Variants in SUGT1 observed in about 807,000 individuals in gnomAD.
SUGT1 encodes protein SGT1 homolog.
SUGT1 carries 15 observed loss-of-function variants against 56.1 expected under a neutral mutation model. The ratio of observed to expected loss-of-function variants is 0.27; its 90% CI spans 0.18 to 0.41. SUGT1 has a LOEUF of 0.41. SUGT1 is among the 10% of genes least tolerant of loss of function. SUGT1 has a pLI of 1.00. For synonymous variants in SUGT1, 123 were observed against 128.6 expected, an observed-to-expected ratio of 0.96 and a Z score of 0.30; for missense variants, 347 against 382.2, an observed-to-expected ratio of 0.91 and a Z score of 0.77.
intron 2 of SUGT1, among the ~76,000 whole-genome samples, chr13:52,654,328 ATT>A (rs1962059190): frequency 6.6e-6 from 1 of 152,146 alleles, no homozygotes; most frequent in Admixed American, 6.5e-5. Context: ...TTTAATTTAC[ATT>A]TGTTATTGTC....
rs1297312298 is a variant in SUGT1 at position 52,652,907 on chromosome 13, A to G, written c.-14A>G. Reference sequence around the variant, plus strand: ...TAGTAGCAGCTCCGGCGGCAGCAACAGCGACTACGAGGGATGGCGGCGGCT... The same window carrying G: ...TAGTAGCAGCTCCGGCGGCAGCAACGGCGACTACGAGGGATGGCGGCGGCT... On this transcript the variant is annotated 5_prime_UTR_variant, in exon 1 of 13. Coordinates refer to ENST00000310528, the MANE Select transcript of SUGT1 (RefSeq NM_006704.5). 6.2e-6 allele frequency: 10 copies of G among 1,613,218 alleles called. No individual in the cohort carries two copies. Among genetic ancestry groups the G allele is most frequent in the Admixed American group, 1.7e-5 (1 of 59,792 alleles).
chr13:52,671,602 C>T (rs544001156), intron 10 of SUGT1, among the ~76,000 whole-genome samples: 51 of 152,242 alleles, frequency 3.3e-4, no homozygotes, highest in African/African-American at 1.2e-3. Flanking sequence ...CAGAGATGTT[C>T]AATAATTTGC....
chr13:52,680,051 G>C lies in SUGT1; in HGVS notation c.796G>C (p.Glu266Gln). The change falls in exon 12 of 13, where the codon GAA becomes CAA. Residue 266 changes from glutamate to glutamine, a missense_variant. Physicochemically the swap from Glu to Gln is conservative, Grantham distance 29 (BLOSUM62 2). Transcript: ENST00000310528. ...ATTGGTTGGTGAGATCAAAGAAGAA[G>C]AAAAGAATGAAAAGTTGGAGGGAGA... ...DKLVGEIKEE[E>Q]KNEKLEGDAA... is the part of the protein sequence containing the mutation. The C allele has an allele frequency of 1.9e-6, 3 of 1,599,266 alleles. No homozygotes were observed. Among genetic ancestry groups the C allele is most frequent in the Non-Finnish European group, 2.6e-6 (3 of 1,176,182 alleles).
intron 10 of SUGT1, 61 bp from the exon 11 acceptor site, chr13:52,676,169 A>AT (rs1963134894): frequency 6.5e-6 from 9 of 1,393,450 alleles, no homozygotes; most frequent in Admixed American, 4.5e-5. Context: ...AGAAAACTGC[A>AT]TTTTTTACTG....
chr13:52,672,025 T>C (rs1318736452), intron 10 of SUGT1, among the ~76,000 whole-genome samples: 1 of 152,216 alleles, frequency 6.6e-6, no homozygotes, highest in Non-Finnish European at 1.5e-5. Flanking sequence ...ATGTGAAGCA[T>C]GTAGCATGCA....
intron 4 of SUGT1, 147 bp from the exon 5 acceptor site, chr13:52,659,032 T>G: frequency 1.9e-6 from 1 of 524,148 alleles, no homozygotes; most frequent in Non-Finnish European, 3.2e-6. Flanking sequence ...ATCTTAACAG[T>G]ATATTAGAAA....
chr13:52,674,329 A>G (rs1013888178), intron 10 of SUGT1, among the ~76,000 whole-genome samples: 3 of 151,162 alleles, frequency 2.0e-5, no homozygotes, highest in Non-Finnish European at 2.9e-5. Flanking sequence ...TGGGGTTACT[A>G]CTCTTTGCCC....
chr13:52,684,716 C>T (rs1053955551), intron 12 of SUGT1, among the ~76,000 whole-genome samples: 2 of 151,446 alleles, frequency 1.3e-5, no homozygotes, highest in Non-Finnish European at 2.9e-5. Context: ...TTTGTAGAGA[C>T]GAGGCCTCCC....
At chr13:52,653,233 T>C in intron 2 of SUGT1, 130 bp downstream of exon 2, 1 of 1,093,964 alleles carries the variant, frequency 9.1e-7, no homozygotes, top group East Asian at 2.4e-5. Context: ...GCGTCTCAGC[T>C]CCGGTATTGA....
rs773855576 is a variant in SUGT1, at chr13:52,699,240, C to T, written c.*11405C>T. On this transcript the variant is annotated 3_prime_UTR_variant, in exon 13 of 13. Coordinates refer to ENST00000310528, the MANE Select transcript of SUGT1 (RefSeq NM_006704.5). ...GATTAAGTTATTGAATCCATATCACCGTATGACAGCACATGATGAAAGAAA... is the reference window on the plus strand; with the variant it reads ...GATTAAGTTATTGAATCCATATCACTGTATGACAGCACATGATGAAAGAAA... 4 of 151,946 alleles carry T rather than the reference C, an allele frequency of 2.6e-5. No individual in the cohort carries two copies. The highest frequency in any genetic ancestry group is 6.6e-5 in the Admixed American group (1 of 15,260). The allele number at this position is 151,946 out of a possible 1,614,324, so 9.4% of individuals were successfully genotyped here. A position where few individuals can be genotyped will look rare whatever the true frequency, so the allele number is the denominator to read the frequency against.
At chr13:52,655,259 C>G (rs1962107716) in intron 2 of SUGT1, among the ~76,000 whole-genome samples, 1 of 152,314 alleles carries the variant, frequency 6.6e-6, no homozygotes, top group African/African-American at 2.4e-5. Context: ...AGGAGAATCA[C>G]TTGAACCCTG....
At position 52,690,900 on chromosome 13, in the gene SUGT1, C is replaced by T. The variant is rs1172111180; in HGVS notation, c.*3065C>T. 2.8e-5 allele frequency: 4 copies of T among 141,506 alleles called. No individual in the cohort carries two copies. The highest frequency in any genetic ancestry group is 2.8e-4 in the Admixed American group (4 of 14,422). The allele number at this position is 141,506 out of a possible 1,614,324, so 8.8% of individuals were successfully genotyped here. Reference sequence around the variant, plus strand: ...TTAAAAATTTGTTTAGAGACACGGTCTTCTTCTATCACCTAGGCTGGAGTG... The same window carrying T: ...TTAAAAATTTGTTTAGAGACACGGTTTTCTTCTATCACCTAGGCTGGAGTG... On this transcript the variant is annotated 3_prime_UTR_variant, in exon 13 of 13. Coordinates refer to ENST00000310528, the MANE Select transcript of SUGT1 (RefSeq NM_006704.5).
chr13:52,659,092 G>A, intron 4 of SUGT1, 87 bp from the exon 5 acceptor site: 3 of 1,090,716 alleles, frequency 2.8e-6, no homozygotes, highest in Non-Finnish European at 3.8e-6. Context: ...TCTTTCAACA[G>A]TAGAAAATAC....
At position 52,688,412 on chromosome 13, in the gene SUGT1, A is replaced by G. The variant is rs1305972106; in HGVS notation, c.*577A>G. On this transcript the variant is annotated 3_prime_UTR_variant, in exon 13 of 13. Transcript: ENST00000310528. ...AATTTGTAAATTTAATTGCACTGAGATATTTTGGTCGTTACCTTGCAAGTT... is the reference window on the plus strand; with the variant it reads ...AATTTGTAAATTTAATTGCACTGAGGTATTTTGGTCGTTACCTTGCAAGTT... 6.6e-6 allele frequency: 1 copy of G among 152,168 alleles called. No homozygotes were observed. The highest frequency in any genetic ancestry group is 1.9e-4 in the East Asian group (1 of 5,202). 9.4% of individuals were successfully genotyped at this position (152,168 alleles called of 1,614,324 possible).
chr13:52,658,262 A>G (rs955098135), intron 3 of SUGT1, 137 bp from the exon 4 acceptor site: 10 of 1,525,000 alleles, frequency 6.6e-6, no homozygotes, highest in African/African-American at 1.4e-5. Flanking sequence ...TCTATCTTGT[A>G]TTAGCTTTTC....
intron 10 of SUGT1, 129 bp downstream of exon 10, chr13:52,667,048 A>G (rs1962736521): frequency 3.2e-6 from 2 of 622,814 alleles, no homozygotes; most frequent in Non-Finnish European, 5.4e-6. Flanking sequence ...GAAAATAAGA[A>G]TGATAACTTT....
At chr13:52,662,542 C>G in intron 5 of SUGT1, 107 bp from the exon 6 acceptor site, 3 of 1,068,936 alleles carry the variant, frequency 2.8e-6, no homozygotes, top group Non-Finnish European at 2.8e-6. Flanking sequence ...GCTGCCGACT[C>G]CCCAGTGCCT....
In SUGT1 at chr13:52,694,006, T is replaced by C. The variant is rs1963853776; in HGVS notation, c.*6171T>C. ...AAGATATTAATAATAGAATATACAA[T>C]ATACCGCAATAAAACTTATGTGAAC... On this transcript the variant is annotated 3_prime_UTR_variant, in exon 13 of 13. Transcript: ENST00000310528. The C allele has an allele frequency of 6.6e-6, 1 of 152,188 alleles. No individual in the cohort carries two copies. Among genetic ancestry groups the C allele is most frequent in the Non-Finnish European group, 1.5e-5 (1 of 68,038 alleles). The allele number at this position is 152,188 out of a possible 1,614,324, so 9.4% of individuals were successfully genotyped here.
At chr13:52,677,982 G>A (rs1963216479) in intron 11 of SUGT1, among the ~76,000 whole-genome samples, 1 of 152,070 alleles carries the variant, frequency 6.6e-6, no homozygotes, top group South Asian at 2.1e-4. Flanking sequence ...TCCTGTTTTT[G>A]TAAGAAATTA....
Sources: allele counts gnomAD v4.1 joint callset (sites outside exome capture counted in the v4.1 genomes callset), GRCh38; gene constraint gnomAD v4.1.1; transcripts MANE v1.5; gene names NCBI Gene and HGNC (gene_info 2026-07-23, HGNC 2026-07-21).